Variants in NBPF26 observed in about 807,000 individuals in gnomAD.
The protein encoded by NBPF26 is NBPF member 26.
Under a neutral mutation model 119.6 loss-of-function variants are expected in NBPF26, and 79 were observed. The observed-to-expected ratio is 0.66, with a 90% CI of 0.55 to 0.80. The LOEUF is 0.80. Ranked by LOEUF, NBPF26 falls within the 30% of genes least tolerant of loss-of-function variation. The pLI is 0.00. For synonymous variants in NBPF26, 299 were observed against 457.7 expected (o/e 0.65, Z 4.43); for missense variants, 800 against 1,198.2 (o/e 0.67, Z 4.91).
chr1:120,816,285 A>T, intron 13 of NBPF26, 128 bp downstream of exon 13: 1 of 698,628 alleles, frequency 1.4e-6, no homozygotes, highest in Non-Finnish European at 2.4e-6. Context: ...TGTGAAATAT[A>T]ACCCAGCTTA....
At chr1:120,840,309 A>T in intron 29 of NBPF26, 41 bp from the exon 36 acceptor site, 1 of 1,442,332 alleles carries the variant, frequency 6.9e-7, no homozygotes, top group Non-Finnish European at 9.2e-7. Flanking sequence ...GTGGTGTCCG[A>T]TTTTCCCTGG....
In NBPF26 at chr1:120,819,101, T is replaced by G. The variant is rs1338315687; in HGVS notation, c.2423+927T>G. 2.1e-4 allele frequency among the ~76,000 whole-genome samples: 26 copies of G among 125,168 alleles called. 9 individuals are homozygous for G. Among genetic ancestry groups the G allele is most frequent in the African/African-American group, 9.7e-4 (26 of 26,754 alleles). The allele number at this position is 125,168 out of a possible 152,430, so 82.1% of individuals were successfully genotyped here. A position where few individuals can be genotyped will look rare whatever the true frequency, so the allele number is the denominator to read the frequency against. On this transcript the variant is annotated intron_variant, in intron 15 of 29. Transcript: ENST00000620612. Reference sequence around the variant, plus strand: ...GGGTGTTAAAGTCTCCCATGATGATTTTGTGGAGTCTAAATCTCTTTGTAG... The same window carrying G: ...GGGTGTTAAAGTCTCCCATGATGATGTTGTGGAGTCTAAATCTCTTTGTAG...
chr1:120,816,965 G>A (rs1652021898), intron 14 of NBPF26, 138 bp downstream of exon 14: 1 of 1,141,602 alleles, frequency 8.8e-7, no homozygotes, highest in African/African-American at 2.7e-5. Flanking sequence ...GGAGTTTTTT[G>A]TCCTTCTCAG....
chr1:120,752,568 T>A (rs1651034981), intron 1 of NBPF26, among the ~76,000 whole-genome samples: 2 of 28,876 alleles, frequency 6.9e-5, no homozygotes, highest in Non-Finnish European at 5.5e-5. Context: ...TTTTTTTTTT[T>A]TTTTTTCTTT....
intron 2 of NBPF26, among the ~76,000 whole-genome samples, chr1:120,778,595 G>C (rs1465091625): frequency 3.6e-5 from 1 of 28,042 alleles, no homozygotes; most frequent in Non-Finnish European, 5.6e-5. Context: ...TTTTTGAATG[G>C]CCAAATCCTC....
chr1:120,832,647 T>C (rs1308438260), intron 22 of NBPF26, among the ~76,000 whole-genome samples: 1 of 121,320 alleles, frequency 8.2e-6, no homozygotes, highest in Admixed American at 7.7e-5. Flanking sequence ...ACAAATGATA[T>C]TGGGATAACG....
Position 120,816,859 on chromosome 1 carries a change from CT to C in NBPF26, c.2371+35del. 7 of 1,450,956 alleles carry C rather than the reference CT, an allele frequency of 4.8e-6. 2 individuals are homozygous for C. Among genetic ancestry groups the C allele is most frequent in the Non-Finnish European group, 4.6e-6 (5 of 1,083,200 alleles). 89.9% of individuals were successfully genotyped at this position (1,450,956 alleles called of 1,614,324 possible). On this transcript the variant is annotated intron_variant, in intron 14 of 29. Transcript: ENST00000620612. ...TCTGTTTTCCTTGTGTCTCATACCTCTTTCTTGGCTGAGGAAGATAAACTCT... is the reference window on the plus strand; with the variant it reads ...TCTGTTTTCCTTGTGTCTCATACCTCTTCTTGGCTGAGGAAGATAAACTCT...
chr1:120,807,618 T>G (rs1651733658), exon 6 of NBPF26: 1 of 1,493,536 alleles, frequency 6.7e-7, no homozygotes, highest in South Asian at 1.1e-5. Context: ...GTATGAAGAG[T>G]GTAAAGACCT....
chr1:120,822,837 C>A lies in NBPF26; in HGVS notation c.2588-472C>A, dbSNP rs1380551112. Among the ~76,000 whole-genome samples, 11 of 116,348 alleles carry A rather than the reference C, an allele frequency of 9.5e-5. 2 individuals carry two copies. The highest frequency in any genetic ancestry group is 1.4e-4 in the African/African-American group (3 of 21,826). The allele number at this position is 116,348 out of a possible 152,430, so 76.3% of individuals were successfully genotyped here. On this transcript the variant is annotated intron_variant, in intron 16 of 29. Transcript: ENST00000620612. ...AGATAAATGGCTGACTTTTCACCCA[C>A]AAAAGCCATAATAGCTGATGCTTCT...
intron 1 of NBPF26, among the ~76,000 whole-genome samples, chr1:120,748,113 CT>C (rs1186945714): frequency 0.48 from 14,182 of 29,676 alleles, 3,008 homozygotes; most frequent in Non-Finnish European, 0.55. Flanking sequence ...GTAAAGGCTC[CT>C]TTTTTTTTTT....
At position 120,823,316 on chromosome 1, in the gene NBPF26, G is replaced by T; in HGVS notation, c.2595G>T (p.Arg865=). 27 of 1,398,304 alleles carry T rather than the reference G, an allele frequency of 1.9e-5. 6 individuals are homozygous for T. The highest frequency in any genetic ancestry group is 2.4e-5 in the Non-Finnish European group (25 of 1,051,768). 86.6% of individuals were successfully genotyped at this position (1,398,304 alleles called of 1,614,324 possible). ...ATCTGAATTTATTTGCAGGACATCG[G>T]TGGGATCAAGTGAAAAAGGAGGACC... Residue 865 remains arginine (R), a synonymous_variant, in exon 17 of 30, where the codon CGG becomes CGT. Coordinates refer to ENST00000620612, the Ensembl canonical transcript of NBPF26.
downstream of NBPF26, chr1:120,840,899 A>G: frequency 4.5e-6 from 2 of 444,082 alleles, no homozygotes; most frequent in Non-Finnish European, 7.6e-6. Context: ...GTCATTTTGC[A>G]GGCATGTCTC....
intron 2 of NBPF26, among the ~76,000 whole-genome samples, chr1:120,778,580 GT>G (rs1412892781): frequency 1.1e-4 from 2 of 18,208 alleles, no homozygotes; most frequent in East Asian, 2.5e-3. Flanking sequence ...TGTTGTTGTT[GT>G]TTTTTTTTGA....
At chr1:120,765,413 G>T (rs1651180470) in intron 2 of NBPF26, among the ~76,000 whole-genome samples, 1 of 63,134 alleles carries the variant, frequency 1.6e-5, no homozygotes, top group East Asian at 2.9e-4. Context: ...TGCATTTTTT[G>T]CATAGTTAAT....
rs1305406023 is a variant in NBPF26, at chr1:120,810,892, A to C, written c.1564+334A>C. Among the ~76,000 whole-genome samples, 15 of 107,912 alleles carry C rather than the reference A, an allele frequency of 1.4e-4. 3 individuals are homozygous for C. The highest frequency in any genetic ancestry group is 5.6e-4 in the African/African-American group (10 of 17,822). The allele number at this position is 107,912 out of a possible 152,430, so 70.8% of individuals were successfully genotyped here. ...TGGGCTGAGATGATCCTCCCACTCT[A>C]ATTCACTTCTGTCAGGCTAGACTCT... On this transcript the variant is annotated intron_variant, in intron 9 of 29. Coordinates refer to ENST00000620612, the Ensembl canonical transcript of NBPF26.
chr1:120,752,765 G>A lies in NBPF26; in HGVS notation c.74-10863G>A, dbSNP rs1651040407. On this transcript the variant is annotated intron_variant, in intron 1 of 29. Coordinates refer to ENST00000620612, the Ensembl canonical transcript of NBPF26. Reference sequence around the variant, plus strand: ...TTTTTTTTGTACTTTTAGTAGAGATGTGGTTTCACCGTGTTAGCCAGGATG... The same window carrying A: ...TTTTTTTTGTACTTTTAGTAGAGATATGGTTTCACCGTGTTAGCCAGGATG... Among the ~76,000 whole-genome samples, 2 of 48,138 alleles carry A rather than the reference G, an allele frequency of 4.2e-5. 1 individual carries two copies. The highest frequency in any genetic ancestry group is 6.6e-5 in the Non-Finnish European group (2 of 30,254). The allele number at this position is 48,138 out of a possible 152,430, so 31.6% of individuals were successfully genotyped here. A position where few individuals can be genotyped will look rare whatever the true frequency, so the allele number is the denominator to read the frequency against.
At chr1:120,818,002 T>C in intron 14 of NBPF26, 121 bp from the exon 15 acceptor site, 1 of 497,846 alleles carries the variant, frequency 2.0e-6, no homozygotes, top group South Asian at 2.2e-5. Context: ...AATATTCCTG[T>C]CAGAATCCTT....
At chr1:120,812,065 G>T in exon 10 of NBPF26, 1 of 1,273,182 alleles carries the variant, frequency 7.9e-7, no homozygotes, top group Non-Finnish European at 1.1e-6. Flanking sequence ...TCAACTGGCC[G>T]GCTTCCTGGC....
chr1:120,810,275 A>C lies in NBPF26; in HGVS notation c.1353-72A>C. 3 of 1,459,712 alleles carry C rather than the reference A, an allele frequency of 2.1e-6. No individual in the cohort carries two copies. In the East Asian group the frequency reaches 6.8e-5, roughly 33 times the overall value. The allele number at this position is 1,459,712 out of a possible 1,614,324, so 90.4% of individuals were successfully genotyped here. A position where few individuals can be genotyped will look rare whatever the true frequency, so the allele number is the denominator to read the frequency against. On this transcript the variant is annotated intron_variant, in intron 8 of 29. Coordinates refer to ENST00000620612, the Ensembl canonical transcript of NBPF26. ...TCTCTTAATGCCGCCTGTCAAAACCAGCTAGGACTCCATGGGGTCCAATCC... is the reference window on the plus strand; with the variant it reads ...TCTCTTAATGCCGCCTGTCAAAACCCGCTAGGACTCCATGGGGTCCAATCC...
Sources: gnomAD v4.1 joint callset for allele counts (sites outside exome capture counted in the v4.1 genomes callset) on GRCh38, gnomAD v4.1.1 for gene constraint, MANE v1.5 for transcripts, NCBI Gene and HGNC (gene_info 2026-07-23, HGNC 2026-07-21) for gene names.